The following SLC38A9 variants were observed in gnomAD, a reference collection of about 807,000 sequenced individuals.
SLC38A9 encodes the protein solute carrier family 38 member 9, also known as neutral amino acid transporter 9.
A neutral mutation model predicts 62.3 loss-of-function variants in SLC38A9; 48 were observed. That is an observed-to-expected ratio of 0.77 (90% CI 0.61 to 0.98). The LOEUF (loss-of-function observed/expected upper bound fraction) is 0.98, where lower values mean the gene tolerates loss of function less well. Among genes scored for constraint, SLC38A9 ranks in the 50% least tolerant of loss-of-function variants. The pLI is 0.00. For synonymous variants in SLC38A9, 204 were observed against 227.7 expected (o/e 0.90, Z 0.94); for missense variants, 541 against 679.8 (o/e 0.80, Z 2.27).
At position 55,705,439 on chromosome 5, in the gene SLC38A9, C is replaced by CA. The variant is rs67490309; in HGVS notation, c.-35+6012dup. 2.5e-3 allele frequency among the ~76,000 whole-genome samples: 320 copies of CA among 125,642 alleles called. 3 individuals carry two copies. The highest frequency in any genetic ancestry group is 0.017 in the Middle Eastern group (4 of 232). The allele number at this position is 125,642 out of a possible 152,430, so 82.4% of individuals were successfully genotyped here. A position where few individuals can be genotyped will look rare whatever the true frequency, so the allele number is the denominator to read the frequency against. On this transcript the variant is annotated intron_variant, in intron 2 of 15. Transcript: ENST00000396865. ...GGAAATGGGTATTACCTTCATATTA[C>CA]AAAAAAAAAAAAGAAAGAAAGAAAG...
chr5:55,669,664 C>G, intron 5 of SLC38A9, 44 bp from the exon 6 acceptor site: 2 of 1,591,204 alleles, frequency 1.3e-6, no homozygotes, highest in Non-Finnish European at 1.7e-6. Context: ...GAGTTTCACT[C>G]TTCAAACATT....
At position 55,649,195 on chromosome 5, in the gene SLC38A9, C is replaced by A; in HGVS notation, c.1060+12G>T. 6.7e-7 allele frequency: 1 copy of A among 1,497,162 alleles called. No homozygotes were observed. Among genetic ancestry groups the A allele is most frequent in the Non-Finnish European group, 9.1e-7 (1 of 1,100,588 alleles). 92.7% of individuals were successfully genotyped at this position (1,497,162 alleles called of 1,614,324 possible). On this transcript the variant is annotated intron_variant, in intron 11 of 15. Transcript: ENST00000396865. ...ACATTATTATAATTTATTATTTTGCCAAAAAGCTCACCTGGTACAAAAAAT... is the reference window on the plus strand; with the variant it reads ...ACATTATTATAATTTATTATTTTGCAAAAAAGCTCACCTGGTACAAAAAAT...
intron 3 of SLC38A9, among the ~76,000 whole-genome samples, chr5:55,677,950 G>GTGTGTGTGTGTGTT (rs1752383590): frequency 3.4e-5 from 5 of 149,198 alleles, no homozygotes; most frequent in Non-Finnish European, 7.5e-5. Context: ...GTGTGTGTGT[G>GTGTGTGTGTGTGTT]TGTGTGTGTG....
chr5:55,665,546 C>CA (rs112929342), intron 7 of SLC38A9, among the ~76,000 whole-genome samples: 1,439 of 91,358 alleles, frequency 0.016, 24 homozygotes, highest in African/African-American at 0.052. Flanking sequence ...GACTCCATCT[C>CA]AAAAAAAAAA....
intron 2 of SLC38A9, among the ~76,000 whole-genome samples, chr5:55,709,620 T>C (rs1331800456): frequency 1.3e-5 from 2 of 152,252 alleles, no homozygotes; most frequent in African/African-American, 4.8e-5. Context: ...AACAATACTA[T>C]TTCAATTTGT....
intron 12 of SLC38A9, among the ~76,000 whole-genome samples, chr5:55,642,130 C>A (rs1580121962): frequency 6.6e-6 from 1 of 152,204 alleles, no homozygotes; most frequent in East Asian, 1.9e-4. Flanking sequence ...ACCACAACAT[C>A]CACCTCCCAG....
At chr5:55,667,312 C>T (rs1332801914) in intron 7 of SLC38A9, among the ~76,000 whole-genome samples, 1 of 151,928 alleles carries the variant, frequency 6.6e-6, no homozygotes, top group Non-Finnish European at 1.5e-5. Flanking sequence ...TTAATGAAAA[C>T]TGCTTTAGCA....
chr5:55,685,711 C>T (rs1186047951), intron 3 of SLC38A9, among the ~76,000 whole-genome samples: 1 of 152,014 alleles, frequency 6.6e-6, no homozygotes, highest in Admixed American at 6.6e-5. Flanking sequence ...GTTTGTTGTA[C>T]AGATTATTTC....
At position 55,711,305 on chromosome 5, in the gene SLC38A9, GA is replaced by G. The variant is rs555342323; in HGVS notation, c.-35+146del. 4.5e-3 allele frequency: 642 copies of G among 141,728 alleles called. 3 individuals are homozygous for G. Among genetic ancestry groups the G allele is most frequent in the African/African-American group, 0.016 (605 of 38,428 alleles). The allele number at this position is 141,728 out of a possible 1,614,324, so 8.8% of individuals were successfully genotyped here. A position where few individuals can be genotyped will look rare whatever the true frequency, so the allele number is the denominator to read the frequency against. On this transcript the variant is annotated intron_variant, in intron 2 of 15. Transcript: ENST00000396865. ...GAGACTCTTGTCTGAAAAAAAAAAAGAAAGAAAAGAAAAGAAAAAAGAAAAC... is the reference window on the plus strand; with the variant it reads ...GAGACTCTTGTCTGAAAAAAAAAAAGAAGAAAAGAAAAGAAAAAAGAAAAC...
intron 2 of SLC38A9, among the ~76,000 whole-genome samples, chr5:55,706,936 G>A (rs1460685941): frequency 6.6e-6 from 1 of 151,586 alleles, no homozygotes; most frequent in Non-Finnish European, 1.5e-5. Context: ...GGTGACAACA[G>A]ATATGCTTTC....
intron 7 of SLC38A9, among the ~76,000 whole-genome samples, chr5:55,665,659 A>C (rs1260690347): frequency 6.6e-6 from 1 of 152,104 alleles, no homozygotes; most frequent in Non-Finnish European, 1.5e-5. Flanking sequence ...GAAGAAACAA[A>C]TTACAATGAA....
chr5:55,688,384 T>C (rs998352164), intron 3 of SLC38A9, among the ~76,000 whole-genome samples: 5 of 145,206 alleles, frequency 3.4e-5, no homozygotes, highest in African/African-American at 1.3e-4. Context: ...TAATCTCTTT[T>C]TTTTTTTTTT....
intron 12 of SLC38A9, among the ~76,000 whole-genome samples, chr5:55,640,525 G>A (rs1365913547): frequency 6.6e-6 from 1 of 152,174 alleles, no homozygotes; most frequent in Non-Finnish European, 1.5e-5. Context: ...CATGCATTAA[G>A]AACGCCCATC....
intron 8 of SLC38A9, among the ~76,000 whole-genome samples, chr5:55,664,074 G>C (rs1175130535): frequency 6.6e-6 from 1 of 151,862 alleles, no homozygotes; most frequent in African/African-American, 2.4e-5. Context: ...TGAGGTGGGA[G>C]GATCACTTGA....
chr5:55,675,446 GA>G (rs1241273492), intron 3 of SLC38A9: 1 of 218 alleles, frequency 4.6e-3, no homozygotes, highest in Admixed American at 0.045. Context: ...CATTTGAGAA[GA>G]AAAAATATAA....
At chr5:55,660,041 C>T (rs996844458) in intron 8 of SLC38A9, among the ~76,000 whole-genome samples, 2 of 149,866 alleles carry the variant, frequency 1.3e-5, no homozygotes, top group African/African-American at 4.9e-5. Flanking sequence ...GCTGGGATTA[C>T]AGGCATGAGC....
At chr5:55,632,177 C>G (rs938894838) in intron 14 of SLC38A9, among the ~76,000 whole-genome samples, 1 of 152,152 alleles carries the variant, frequency 6.6e-6, no homozygotes, top group Non-Finnish European at 1.5e-5. Context: ...GTGGCTCACG[C>G]CGGTAATCCC....
intron 9 of SLC38A9, 124 bp downstream of exon 9, chr5:55,656,591 A>C: frequency 3.0e-6 from 2 of 670,758 alleles, no homozygotes; most frequent in Non-Finnish European, 5.2e-6. Context: ...ATTTAGTAGC[A>C]GCTCAGTAAA....
chr5:55,708,957 C>T lies in SLC38A9; in HGVS notation c.-35+2495G>A, dbSNP rs528758870. Among the ~76,000 whole-genome samples, 15 of 152,304 alleles carry T rather than the reference C, an allele frequency of 9.8e-5. No homozygotes were observed. In the East Asian group the frequency reaches 2.9e-3, roughly 29 times the overall value. On this transcript the variant is annotated intron_variant, in intron 2 of 15. Transcript: ENST00000396865. Reference sequence around the variant, plus strand: ...CATAAAAGCAAATGGAACCACACCACAAAAAAGTCACCCTGGTGGAAGCAG... The same window carrying T: ...CATAAAAGCAAATGGAACCACACCATAAAAAAGTCACCCTGGTGGAAGCAG...
Sources: gnomAD v4.1 joint callset for allele counts (sites outside exome capture counted in the v4.1 genomes callset) on GRCh38, gnomAD v4.1.1 for gene constraint, MANE v1.5 for transcripts, NCBI Gene and HGNC (gene_info 2026-07-23, HGNC 2026-07-21) for gene names.